PDE1A: variants seen among roughly 807,000 people sequenced by gnomAD.
PDE1A encodes dual specificity calcium/calmodulin-dependent 3',5'-cyclic nucleotide phosphodiesterase 1A.
Under a neutral mutation model 61.7 loss-of-function variants are expected in PDE1A, and 35 were observed. That is an observed-to-expected ratio of 0.57 (90% CI 0.43 to 0.75). The LOEUF (loss-of-function observed/expected upper bound fraction) is 0.75. Ranked by LOEUF, PDE1A falls within the 30% of genes least tolerant of loss-of-function variation. The pLI is 0.00. For missense variants in PDE1A, 597 were observed against 630.6 expected, an observed-to-expected ratio of 0.95 and a Z score of 0.57; for synonymous variants, 232 against 213.2, an observed-to-expected ratio of 1.09 and a Z score of -0.77.
intron 1 of PDE1A, among the ~76,000 whole-genome samples, chr2:182,393,891 A>G (rs542515939): frequency 1.8e-4 from 28 of 152,278 alleles, no homozygotes; most frequent in African/African-American, 6.7e-4. Context: ...TGTCCATATC[A>G]TTATCAGCAT....
At chr2:182,579,947 T>C in the PDE1A span, among the ~76,000 whole-genome samples, 11 of 152,216 alleles carry the variant, frequency 7.2e-5, no homozygotes, top group African/African-American at 2.2e-4. Flanking sequence ...TATTTCACTA[T>C]AGCTGATCAT....
chr2:182,342,157 T>C (rs1448583317), intron 1 of PDE1A, among the ~76,000 whole-genome samples: 1 of 152,232 alleles, frequency 6.6e-6, no homozygotes, highest in Non-Finnish European at 1.5e-5. Flanking sequence ...TTTATAACTA[T>C]TAAACAATCT....
At chr2:182,279,422 C>A (rs1184561524) in intron 1 of PDE1A, among the ~76,000 whole-genome samples, 4 of 141,838 alleles carry the variant, frequency 2.8e-5, no homozygotes, top group Non-Finnish European at 6.3e-5. Flanking sequence ...GTAAGAGCAA[C>A]CTTCCTTGTA....
chr2:182,567,882 TC>T, the PDE1A span, among the ~76,000 whole-genome samples: 1 of 151,202 alleles, frequency 6.6e-6, no homozygotes, highest in African/African-American at 2.4e-5. Context: ...AACCTCTGCC[TC>T]CCGGGTTCAA....
At chr2:182,191,876 A>G (rs1440239974) in intron 10 of PDE1A, among the ~76,000 whole-genome samples, 1 of 148,126 alleles carries the variant, frequency 6.8e-6, no homozygotes, top group African/African-American at 2.5e-5. Context: ...ATTTTTTTTG[A>G]GACAGTTTCG....
the PDE1A span, among the ~76,000 whole-genome samples, chr2:182,650,536 T>C: frequency 6.6e-6 from 1 of 152,216 alleles, no homozygotes; most frequent in African/African-American, 2.4e-5. Flanking sequence ...ACCAGGCTAC[T>C]TGAATCAAAA....
the PDE1A span, among the ~76,000 whole-genome samples, chr2:182,621,169 C>A: frequency 6.6e-6 from 1 of 152,092 alleles, no homozygotes; most frequent in Non-Finnish European, 1.5e-5. Flanking sequence ...GGAGCAGATC[C>A]CTTTCTATCT....
At chr2:182,710,114 C>T in the PDE1A span, among the ~76,000 whole-genome samples, 1 of 152,190 alleles carries the variant, frequency 6.6e-6, no homozygotes, top group East Asian at 1.9e-4. Flanking sequence ...CCAGGATGGT[C>T]TCGATCTCCT....
the PDE1A span, among the ~76,000 whole-genome samples, chr2:182,577,722 G>T: frequency 9.0e-3 from 1,370 of 152,136 alleles, 19 homozygotes; most frequent in African/African-American, 0.031. Context: ...ATAGGTAAGA[G>T]CAGCCTGGCC....
At chr2:182,354,621 T>C (rs536170228) in intron 1 of PDE1A, among the ~76,000 whole-genome samples, 18 of 152,108 alleles carry the variant, frequency 1.2e-4, no homozygotes, top group African/African-American at 2.4e-4. Flanking sequence ...TGGCAACAAG[T>C]GCTTGAGAAA....
chr2:182,449,879 G>A (rs1685398729), intron 2 of PDE1A, among the ~76,000 whole-genome samples: 1 of 151,936 alleles, frequency 6.6e-6, no homozygotes, highest in African/African-American at 2.4e-5. Context: ...GAATCAGAGT[G>A]AATTTTGACC....
rs141834843 is a variant in PDE1A at position 182,457,708 on chromosome 2, AAGC to A, written c.101+64565_101+64567del. Among the ~76,000 whole-genome samples, 1,316 of 152,220 alleles carry A rather than the reference AAGC, an allele frequency of 8.6e-3. 10 individuals are homozygous for A. Among genetic ancestry groups the A allele is most frequent in the Non-Finnish European group, 0.015 (987 of 67,956 alleles). ...ATCTTACAAAAAAGCATGTACAGAC[AAGC>A]AGTACTTAGCAAAAATAACTCTAGG... On this transcript the variant is annotated intron_variant, in intron 2 of 14. Coordinates refer to the PDE1A transcript ENST00000410103.
In PDE1A at chr2:182,414,157, G is replaced by A. The variant is rs1702781118; in HGVS notation, c.53+12421C>T. ...AAAGGACAGAAGAAGTTAATGGGAA[G>A]ACATGGAAGCAGAGGACGATTCCTG... On this transcript the variant is annotated intron_variant, in intron 1 of 13. Transcript: ENST00000351439. Among the ~76,000 whole-genome samples the A allele has an allele frequency of 2.0e-5, 3 of 152,124 alleles. 1 individual carries two copies. In the South Asian group the frequency reaches 6.2e-4, roughly 32 times the overall value.
chr2:182,411,513 T>C (rs1417696215), intron 1 of PDE1A, among the ~76,000 whole-genome samples: 1 of 152,168 alleles, frequency 6.6e-6, no homozygotes, highest in African/African-American at 2.4e-5. Flanking sequence ...TTACTTCTGT[T>C]TGGCTTGGAA....
At chr2:182,708,382 T>C in the PDE1A span, among the ~76,000 whole-genome samples, 1 of 152,280 alleles carries the variant, frequency 6.6e-6, no homozygotes, top group African/African-American at 2.4e-5. Flanking sequence ...ATAATGCCTC[T>C]GCTAACTTAA....
the PDE1A span, among the ~76,000 whole-genome samples, chr2:182,557,471 G>A: frequency 1.3e-5 from 2 of 151,912 alleles, no homozygotes; most frequent in Admixed American, 6.6e-5. Flanking sequence ...TAGCACTTTG[G>A]GAGGCCAAGG....
chr2:182,456,801 G>A (rs138789734), intron 2 of PDE1A, among the ~76,000 whole-genome samples: 6 of 152,180 alleles, frequency 3.9e-5, no homozygotes, highest in African/African-American at 1.2e-4. Flanking sequence ...CAAAAAATGT[G>A]CGTGTGTGTT....
intron 1 of PDE1A, among the ~76,000 whole-genome samples, chr2:182,301,061 T>A (rs1344600372): frequency 1.3e-5 from 2 of 152,158 alleles, no homozygotes; most frequent in African/African-American, 4.8e-5. Context: ...AAGTGTCTCA[T>A]CTAGCAATAT....
At chr2:182,560,878 C>T in the PDE1A span, among the ~76,000 whole-genome samples, 1 of 152,238 alleles carries the variant, frequency 6.6e-6, no homozygotes, top group South Asian at 2.1e-4. Context: ...AGTGTCTGTT[C>T]ATGTCCTTCA....
Sources: gnomAD v4.1 joint callset for allele counts (sites outside exome capture counted in the v4.1 genomes callset) on GRCh38, gnomAD v4.1.1 for gene constraint, MANE v1.5 for transcripts, NCBI Gene and HGNC (gene_info 2026-07-23, HGNC 2026-07-21) for gene names.